The following LPP variants were observed in gnomAD, a reference collection of about 807,000 sequenced individuals.
LPP encodes the protein LIM domain containing preferred translocation partner in lipoma.
In LPP, 38 loss-of-function variants were observed where a neutral mutation model predicts 60.4. That is an observed-to-expected ratio of 0.63 (90% confidence interval 0.49 to 0.83). The LOEUF is 0.83. LPP is among the 40% of genes least tolerant of loss of function. LPP has a pLI of 0.00. For synonymous variants in LPP, 328 were observed against 290.8 expected, an observed-to-expected ratio of 1.13 and a Z score of -1.30; for missense variants, 902 against 783.6, an observed-to-expected ratio of 1.15 and a Z score of -1.80.
intron 9 of LPP, among the ~76,000 whole-genome samples, chr3:188,780,693 C>G (rs555960916): frequency 6.6e-6 from 1 of 152,300 alleles, no homozygotes; most frequent in South Asian, 2.1e-4. Flanking sequence ...GACCTCAAGA[C>G]CATTGTTCCA....
At chr3:188,399,771 TATG>T (rs1167786339) in intron 3 of LPP, among the ~76,000 whole-genome samples, 2 of 152,220 alleles carry the variant, frequency 1.3e-5, no homozygotes, top group Non-Finnish European at 2.9e-5. Flanking sequence ...TGTTGGATAA[TATG>T]ATGTAACGGT....
At chr3:188,621,374 T>A (rs554254759) in intron 7 of LPP, among the ~76,000 whole-genome samples, 2 of 152,124 alleles carry the variant, frequency 1.3e-5, no homozygotes, top group African/African-American at 4.8e-5. Context: ...TTTATGTCCA[T>A]GTGTGCTCAG....
chr3:188,333,846 A>G (rs775791242), intron 2 of LPP, among the ~76,000 whole-genome samples: 2 of 152,190 alleles, frequency 1.3e-5, no homozygotes, highest in Non-Finnish European at 2.9e-5. Flanking sequence ...CATATTCATC[A>G]CCTCAAACGT....
intron 6 of LPP, among the ~76,000 whole-genome samples, chr3:188,561,332 A>G (rs1270908722): frequency 1.3e-5 from 2 of 152,024 alleles, no homozygotes; most frequent in Non-Finnish European, 2.9e-5. Context: ...TTGAGTGTGT[A>G]TTGTCCCAAA....
intron 7 of LPP, among the ~76,000 whole-genome samples, chr3:188,673,019 A>G (rs1355431743): frequency 6.6e-6 from 1 of 151,506 alleles, no homozygotes; most frequent in African/African-American, 2.4e-5. Context: ...AAGCTATATT[A>G]AGTCCCATTT....
At chr3:188,820,922 T>C (rs970898005) in intron 9 of LPP, among the ~76,000 whole-genome samples, 3 of 152,140 alleles carry the variant, frequency 2.0e-5, no homozygotes, top group African/African-American at 7.2e-5. Flanking sequence ...TTAATAAATA[T>C]GTTTTCCATC....
At chr3:188,361,286 ATAG>A (rs941617289) in intron 3 of LPP, among the ~76,000 whole-genome samples, 54 of 152,316 alleles carry the variant, frequency 3.5e-4, no homozygotes, top group African/African-American at 1.2e-3. Flanking sequence ...GAGTCATGAA[ATAG>A]TAGTAGCGGT....
chr3:188,161,061 G>A (rs1171778923), intron 1 of LPP, among the ~76,000 whole-genome samples: 1 of 152,228 alleles, frequency 6.6e-6, no homozygotes, highest in African/African-American at 2.4e-5. Flanking sequence ...GAATATAAAT[G>A]TGTGTTTGGA....
At chr3:188,612,650 G>A (rs1219570230) in intron 7 of LPP, among the ~76,000 whole-genome samples, 5 of 151,972 alleles carry the variant, frequency 3.3e-5, no homozygotes, top group South Asian at 2.1e-4. Context: ...CTTTCCACTC[G>A]CTTTCATTTA....
chr3:188,182,822 G>A lies in LPP; in HGVS notation c.-190+28570G>A, dbSNP rs1342575690. 6.7e-6 allele frequency among the ~76,000 whole-genome samples: 1 copy of A among 150,352 alleles called. No individual in the cohort carries two copies. The highest frequency in any genetic ancestry group is 2.5e-5 in the African/African-American group (1 of 40,786). Reference sequence around the variant, plus strand: ...CAATATATGCACATATATAATATATGTACATATAATATACATACACACACA... The same window carrying A: ...CAATATATGCACATATATAATATATATACATATAATATACATACACACACA... On this transcript the variant is annotated intron_variant, in intron 1 of 11. Transcript: ENST00000617246. The surrounding 1 kb of genome is among the most constrained non-coding windows in gnomAD (Gnocchi z 4.4).
intron 5 of LPP, among the ~76,000 whole-genome samples, chr3:188,491,715 G>A (rs770227597): frequency 6.6e-5 from 10 of 152,146 alleles, no homozygotes; most frequent in Admixed American, 5.2e-4. Flanking sequence ...TTCTAGAAGC[G>A]AATGTCACAG....
Position 188,466,804 on chromosome 3 carries a change from AACATATAT to A in LPP, c.194-17786_194-17779del, listed in dbSNP as rs1477304469. 3.8e-3 allele frequency among the ~76,000 whole-genome samples: 278 copies of A among 72,950 alleles called. 29 individuals carry two copies. Among genetic ancestry groups the A allele is most frequent in the South Asian group, 0.013 (24 of 1,860 alleles). 47.9% of individuals were successfully genotyped at this position (72,950 alleles called of 152,430 possible). ...AAAAAAGTGGTTTCTGTCATCTCAG[AACATATAT>A]ATATATATATATATATATATATATA... On this transcript the variant is annotated intron_variant, in intron 4 of 11. Transcript: ENST00000617246.
At chr3:188,357,198 C>G (rs1447025929) in intron 3 of LPP, among the ~76,000 whole-genome samples, 1 of 152,130 alleles carries the variant, frequency 6.6e-6, no homozygotes, top group Non-Finnish European at 1.5e-5. Context: ...AACAAAAAGC[C>G]TTCATGTATC....
chr3:188,155,392 G>T (rs1381106160), intron 1 of LPP, among the ~76,000 whole-genome samples: 1 of 152,048 alleles, frequency 6.6e-6, no homozygotes, highest in East Asian at 1.9e-4. Flanking sequence ...TGCCTTTCCT[G>T]TAAAATTCAC....
At chr3:188,523,466 A>G (rs906620020) in intron 5 of LPP, among the ~76,000 whole-genome samples, 5 of 152,234 alleles carry the variant, frequency 3.3e-5, no homozygotes, top group African/African-American at 1.2e-4. Flanking sequence ...TGAGTAAGCT[A>G]CTAGGGCATA....
chr3:188,636,184 G>A (rs1848702836), intron 7 of LPP, among the ~76,000 whole-genome samples: 1 of 152,212 alleles, frequency 6.6e-6, no homozygotes, highest in South Asian at 2.1e-4. Context: ...AGTGGGCGCA[G>A]GTCAGTGGGT....
intron 9 of LPP, among the ~76,000 whole-genome samples, chr3:188,820,425 G>T (rs1577770095): frequency 6.6e-6 from 1 of 152,106 alleles, no homozygotes; most frequent in East Asian, 1.9e-4. Context: ...CAAAAAGTGT[G>T]TGTCTCTTTG....
At chr3:188,348,379 C>G (rs945404050) in intron 3 of LPP, among the ~76,000 whole-genome samples, 1 of 152,054 alleles carries the variant, frequency 6.6e-6, no homozygotes. Flanking sequence ...AACTCCTGAC[C>G]TCAGGTGATC....
intron 7 of LPP, among the ~76,000 whole-genome samples, chr3:188,639,314 T>A (rs1377442141): frequency 7.4e-5 from 11 of 149,578 alleles, no homozygotes; most frequent in Non-Finnish European, 1.5e-4. Context: ...GCTAGCCATA[T>A]GTAGAAAGCT....
Sources: gnomAD v4.1 joint callset for allele counts (sites outside exome capture counted in the v4.1 genomes callset) on GRCh38, gnomAD v4.1.1 for gene constraint, Gnocchi (gnomAD v3.1) non-coding constraint, MANE v1.5 for transcripts, NCBI Gene and HGNC (gene_info 2026-07-23, HGNC 2026-07-21) for gene names.